Variants in TMEM135 observed in about 807,000 individuals in gnomAD.
TMEM135 encodes the protein transmembrane protein 135, also known as peroxisomal membrane protein 52.
TMEM135 carries 30 observed loss-of-function variants against 60.3 expected under a neutral mutation model. The ratio of observed to expected loss-of-function variants is 0.50; its 90% CI spans 0.37 to 0.68. TMEM135 has a LOEUF of 0.68. TMEM135 is among the 30% of genes least tolerant of loss of function. The pLI is 0.00. For missense variants in TMEM135, 468 were observed against 548.8 expected, an observed-to-expected ratio of 0.85 and a Z score of 1.47; for synonymous variants, 190 against 186.7, an observed-to-expected ratio of 1.02 and a Z score of -0.14.
At chr11:87,277,742 G>C (rs1941994033) in intron 6 of TMEM135, among the ~76,000 whole-genome samples, 1 of 151,842 alleles carries the variant, frequency 6.6e-6, no homozygotes, top group Non-Finnish European at 1.5e-5. Flanking sequence ...GGCTGGTCTC[G>C]AACTCCTAAC....
chr11:87,101,841 C>T (rs557376345), intron 4 of TMEM135, among the ~76,000 whole-genome samples: 62 of 152,062 alleles, frequency 4.1e-4, no homozygotes, highest in Non-Finnish European at 6.2e-4. Flanking sequence ...GGTGTGATGG[C>T]GCATGCCTGT....
At chr11:87,134,455 A>C (rs10898605) in intron 4 of TMEM135, among the ~76,000 whole-genome samples, 18,382 of 152,066 alleles carry the variant, frequency 0.12, 1,419 homozygotes, top group African/African-American at 0.21. Flanking sequence ...GGTTATATGG[A>C]GAGCACATGT....
At chr11:87,137,652 A>G (rs1219410590) in intron 4 of TMEM135, among the ~76,000 whole-genome samples, 1 of 148,292 alleles carries the variant, frequency 6.7e-6, no homozygotes, top group East Asian at 2.0e-4. Flanking sequence ...TAGTTGAAGT[A>G]TAACTCTAAA....
At chr11:87,285,768 C>CT (rs980673957) in intron 6 of TMEM135, among the ~76,000 whole-genome samples, 2 of 152,190 alleles carry the variant, frequency 1.3e-5, no homozygotes, top group Non-Finnish European at 2.9e-5. Flanking sequence ...TGGCAGCTTG[C>CT]TTTTTTCCCC....
chr11:87,216,834 C>T (rs2135349022), intron 5 of TMEM135, among the ~76,000 whole-genome samples: 1 of 152,188 alleles, frequency 6.6e-6, no homozygotes, highest in Non-Finnish European at 1.5e-5. Flanking sequence ...TAAAATGATG[C>T]TTTAAAAACA....
At chr11:87,319,424 C>T in intron 14 of TMEM135, 47 bp downstream of exon 14, 1 of 1,333,272 alleles carries the variant, frequency 7.5e-7, no homozygotes, top group Non-Finnish European at 1.1e-6. Context: ...GTGGTTTTAT[C>T]TTTTTGAGGG....
intron 1 of TMEM135, among the ~76,000 whole-genome samples, chr11:87,058,327 T>TTAC (rs1283309483): frequency 8.2e-5 from 6 of 73,440 alleles, no homozygotes; most frequent in Admixed American, 1.8e-4. Context: ...TCTGCCTCCT[T>TTAC]TATTATTATT....
At chr11:87,237,199 A>T (rs1357929015) in intron 6 of TMEM135, among the ~76,000 whole-genome samples, 4 of 151,998 alleles carry the variant, frequency 2.6e-5, no homozygotes, top group Admixed American at 2.6e-4. Context: ...GTTGGGGGCT[A>T]AGGGGAAGAG....
chr11:87,184,456 G>T (rs1939600502), intron 5 of TMEM135, among the ~76,000 whole-genome samples: 1 of 152,032 alleles, frequency 6.6e-6, no homozygotes, highest in Middle Eastern at 3.2e-3. Context: ...TAGAATGAAG[G>T]GTCTGACGAT....
At chr11:87,113,648 C>T (rs542566270) in intron 4 of TMEM135, among the ~76,000 whole-genome samples, 4 of 152,118 alleles carry the variant, frequency 2.6e-5, no homozygotes, top group African/African-American at 7.2e-5. Context: ...ATTTTGGTAT[C>T]AGTTTTCACA....
At chr11:87,066,618 G>C (rs1243462019) in intron 1 of TMEM135, among the ~76,000 whole-genome samples, 1 of 125,204 alleles carries the variant, frequency 8.0e-6, no homozygotes, top group Non-Finnish European at 1.7e-5. Context: ...AAAAAAAAAA[G>C]GTTTTCAATC....
intron 5 of TMEM135, among the ~76,000 whole-genome samples, chr11:87,188,428 G>A (rs654451): frequency 7.2e-5 from 11 of 151,906 alleles, no homozygotes; most frequent in South Asian, 2.1e-4. Context: ...CGGCCTGGGC[G>A]TGGTAGCTCA....
intron 9 of TMEM135, among the ~76,000 whole-genome samples, chr11:87,308,147 A>C (rs940825069): frequency 6.6e-6 from 1 of 152,186 alleles, no homozygotes; most frequent in Non-Finnish European, 1.5e-5. Flanking sequence ...AAGCTCCACA[A>C]AGGCAAGAAC....
At chr11:87,081,365 G>A (rs1166601595) in intron 3 of TMEM135, among the ~76,000 whole-genome samples, 1 of 150,580 alleles carries the variant, frequency 6.6e-6, no homozygotes, top group Non-Finnish European at 1.5e-5. Context: ...TTTAGTGCTT[G>A]CTCTATAGAC....
intron 1 of TMEM135, among the ~76,000 whole-genome samples, chr11:87,062,202 C>G (rs931085403): frequency 6.6e-6 from 1 of 151,844 alleles, no homozygotes; most frequent in Non-Finnish European, 1.5e-5. Context: ...GATGGTATTT[C>G]ATCATGTTGG....
At chr11:87,188,532 C>T (rs74552164) in intron 5 of TMEM135, among the ~76,000 whole-genome samples, 2 of 151,786 alleles carry the variant, frequency 1.3e-5, no homozygotes, top group South Asian at 4.2e-4. Context: ...TGAAACCCCC[C>T]CTCTCCACTA....
At chr11:87,237,093 T>C (rs1381936121) in intron 6 of TMEM135, among the ~76,000 whole-genome samples, 1 of 152,024 alleles carries the variant, frequency 6.6e-6, no homozygotes, top group Non-Finnish European at 1.5e-5. Flanking sequence ...ATCTAAGCCT[T>C]CTGCAAGGAT....
chr11:87,178,637 GTA>G, intron 5 of TMEM135: 2 of 392,178 alleles, frequency 5.1e-6, no homozygotes, highest in Non-Finnish European at 5.1e-6. Context: ...TGTTGGCCAG[GTA>G]AGTCTTGAAC....
intron 4 of TMEM135, among the ~76,000 whole-genome samples, chr11:87,119,033 A>G (rs1857969757): frequency 6.6e-6 from 1 of 152,214 alleles, no homozygotes. Context: ...ATTCACTGTT[A>G]TAGCACTTTT....
Sources: gnomAD v4.1 joint callset for allele counts (sites outside exome capture counted in the v4.1 genomes callset) on GRCh38, gnomAD v4.1.1 for gene constraint, MANE v1.5 for transcripts, NCBI Gene and HGNC (gene_info 2026-07-23, HGNC 2026-07-21) for gene names.